The following THSD7B variants were observed in gnomAD, a reference collection of about 807,000 sequenced individuals.
THSD7B encodes the protein thrombospondin type-1 domain-containing protein 7B.
THSD7B carries 138 observed loss-of-function variants against 213.6 expected under a neutral mutation model. That is an observed-to-expected ratio of 0.65 (90% confidence interval 0.56 to 0.74). The LOEUF (loss-of-function observed/expected upper bound fraction) is 0.74. Ranked by LOEUF, THSD7B falls within the 30% of genes least tolerant of loss-of-function variation. The pLI, the probability that THSD7B is intolerant of heterozygous loss-of-function variation, is 0.00. For missense variants in THSD7B, 1,931 were observed against 1,991.5 expected (o/e 0.97, Z 0.58); for synonymous variants, 742 against 687.0 (o/e 1.08, Z -1.25).
At chr2:136,826,006 A>G (rs566643544) in intron 1 of THSD7B, among the ~76,000 whole-genome samples, 1 of 152,058 alleles carries the variant, frequency 6.6e-6, no homozygotes, top group South Asian at 2.1e-4. Flanking sequence ...GGCCCTGGGG[A>G]TTCGGATGTA....
Position 137,676,430 on chromosome 2 carries a change from A to G in THSD7B, c.4740-94A>G, listed in dbSNP as rs1258966812. The G allele has an allele frequency of 1.7e-5, 19 of 1,141,164 alleles. 1 individual carries two copies. The East Asian group carries it at 3.7e-4, about 23-fold the overall frequency. 70.7% of individuals were successfully genotyped at this position (1,141,164 alleles called of 1,614,324 possible). On this transcript the variant is annotated intron_variant, in intron 27 of 27. Transcript: ENST00000409968. ...GAGAAATGAATCTTTTTGTCATTTT[A>G]CCGCTTAAATTTCTGTATCTCAAAA...
chr2:137,366,070 G>C (rs183240489), intron 12 of THSD7B, among the ~76,000 whole-genome samples: 1,469 of 109,612 alleles, frequency 0.013, 31 homozygotes, highest in African/African-American at 0.041. Flanking sequence ...CATAAAAAAG[G>C]ACAAATTCTT....
intron 7 of THSD7B, among the ~76,000 whole-genome samples, chr2:137,174,770 C>G (rs909050394): frequency 6.6e-6 from 1 of 152,162 alleles, no homozygotes; most frequent in African/African-American, 2.4e-5. Flanking sequence ...GCTTTGATTT[C>G]TGTCCTCTGC....
At chr2:136,768,062 G>GGTA (rs1681440287) in intron 1 of THSD7B, among the ~76,000 whole-genome samples, 1 of 152,070 alleles carries the variant, frequency 6.6e-6, no homozygotes, top group Non-Finnish European at 1.5e-5. Context: ...TTAACAAATT[G>GGTA]GTAACGAGAG....
intron 16 of THSD7B, among the ~76,000 whole-genome samples, chr2:137,570,924 T>C (rs867069249): frequency 6.6e-6 from 1 of 152,178 alleles, no homozygotes; most frequent in African/African-American, 2.4e-5. Flanking sequence ...TATTTTCACA[T>C]AGAAAGTCTT....
At chr2:137,033,715 C>T (rs950983862) in intron 2 of THSD7B, among the ~76,000 whole-genome samples, 6 of 152,128 alleles carry the variant, frequency 3.9e-5, no homozygotes, top group South Asian at 2.1e-4. Context: ...CGGGTTCAAG[C>T]GATTCTCCTG....
chr2:137,497,605 G>GTA (rs1679601035), intron 15 of THSD7B, among the ~76,000 whole-genome samples: 8 of 128,110 alleles, frequency 6.2e-5, no homozygotes, highest in Admixed American at 3.0e-4. Context: ...ATATATGTAT[G>GTA]TGTGTGTGTG....
Position 137,090,191 on chromosome 2 carries a change from TATTA to T in THSD7B, c.951-4677_951-4674del, listed in dbSNP as rs1489994945. Among the ~76,000 whole-genome samples the T allele has an allele frequency of 8.5e-5, 13 of 152,164 alleles. No individual in the cohort carries two copies. The South Asian group carries it at 1.0e-3, about 12-fold the overall frequency. On this transcript the variant is annotated intron_variant, in intron 3 of 27. Transcript: ENST00000409968. ...TATGAAAGTATAAAACATTTATACTTATTAATTATTATGTTTTTATATCTGAAAT... is the reference window on the plus strand; with the variant it reads ...TATGAAAGTATAAAACATTTATACTTATTATTATGTTTTTATATCTGAAAT...
intron 2 of THSD7B, among the ~76,000 whole-genome samples, chr2:136,897,574 G>C (rs531823147): frequency 6.6e-6 from 1 of 152,204 alleles, no homozygotes. Flanking sequence ...TTATTGTGAA[G>C]AGCGAAAGAA....
chr2:137,491,131 G>A (rs1471760830), intron 15 of THSD7B, among the ~76,000 whole-genome samples: 2 of 152,180 alleles, frequency 1.3e-5, no homozygotes, highest in Non-Finnish European at 2.9e-5. Context: ...TAATGACACT[G>A]TGCAATGAAA....
At chr2:137,126,448 T>A (rs563192385) in intron 5 of THSD7B, among the ~76,000 whole-genome samples, 1 of 151,506 alleles carries the variant, frequency 6.6e-6, no homozygotes, top group Non-Finnish European at 1.5e-5. Context: ...TTTGAAGGTT[T>A]CCCCCACCCC....
chr2:136,813,187 G>A (rs369162623), intron 1 of THSD7B, among the ~76,000 whole-genome samples: 1 of 152,162 alleles, frequency 6.6e-6, no homozygotes. Flanking sequence ...AATATGCAAT[G>A]ATTTTTTTCC....
At chr2:137,392,608 T>C (rs72847162) in intron 12 of THSD7B, among the ~76,000 whole-genome samples, 34,400 of 152,102 alleles carry the variant, frequency 0.23, 4,032 homozygotes, top group South Asian at 0.27. Context: ...TCTTTTTCCA[T>C]CTCTTTTCTT....
chr2:137,116,181 C>T (rs1223727076), intron 5 of THSD7B, among the ~76,000 whole-genome samples: 1 of 152,164 alleles, frequency 6.6e-6, no homozygotes, highest in Admixed American at 6.5e-5. Flanking sequence ...AGTTCATAGG[C>T]ATCTGTGACC....
At chr2:137,030,036 G>T (rs1398562680) in intron 2 of THSD7B, among the ~76,000 whole-genome samples, 1 of 152,164 alleles carries the variant, frequency 6.6e-6, no homozygotes, top group African/African-American at 2.4e-5. Context: ...AGCAGCTCCT[G>T]CCCACAAGGA....
At chr2:137,203,514 A>G (rs1680920570) in intron 7 of THSD7B, among the ~76,000 whole-genome samples, 1 of 152,078 alleles carries the variant, frequency 6.6e-6, no homozygotes. Context: ...GATCTTGACC[A>G]TGCTCCTGGT....
chr2:137,011,151 A>G (rs1199718003), intron 2 of THSD7B, among the ~76,000 whole-genome samples: 3 of 152,176 alleles, frequency 2.0e-5, no homozygotes, highest in African/African-American at 7.2e-5. Flanking sequence ...AGCTGAAGGT[A>G]GATCATTTTG....
intron 15 of THSD7B, among the ~76,000 whole-genome samples, chr2:137,509,975 CA>C: frequency 6.6e-6 from 1 of 152,066 alleles, no homozygotes; most frequent in Non-Finnish European, 1.5e-5. Context: ...TTGGTTTTAA[CA>C]TTTTTTTCTC....
intron 7 of THSD7B, among the ~76,000 whole-genome samples, chr2:137,184,616 A>G (rs914064813): frequency 1.3e-5 from 2 of 152,164 alleles, no homozygotes; most frequent in Admixed American, 1.3e-4. Context: ...CCACATGTAC[A>G]TATCCATATT....
Sources: gnomAD v4.1 joint callset for allele counts (sites outside exome capture counted in the v4.1 genomes callset) on GRCh38, gnomAD v4.1.1 for gene constraint, MANE v1.5 for transcripts, NCBI Gene and HGNC (gene_info 2026-07-23, HGNC 2026-07-21) for gene names.